The following DNAH17 variants were observed in gnomAD, a reference collection of about 807,000 sequenced individuals.
The protein encoded by DNAH17 is dynein axonemal heavy chain 17.
DNAH17 carries 376 observed loss-of-function variants against 485.6 expected under a neutral mutation model. The observed-to-expected ratio is 0.77, with a 90% CI of 0.71 to 0.84. The LOEUF is 0.84. Ranked by LOEUF, DNAH17 falls within the 40% of genes least tolerant of loss-of-function variation. The pLI, the probability that DNAH17 is intolerant of heterozygous loss-of-function variation, is 0.00. For missense variants in DNAH17, 6,370 were observed against 5,839.3 expected (o/e 1.09, Z -2.96); for synonymous variants, 3,031 against 2,405.9 (o/e 1.26, Z -7.60).
intron 19 of DNAH17, among the ~76,000 whole-genome samples, chr17:78,536,645 C>T (rs369561945): frequency 2.2e-4 from 33 of 152,052 alleles, no homozygotes; most frequent in African/African-American, 8.0e-4. Context: ...TGAACCACTG[C>T]ACTCCAGCCT....
intron 71 of DNAH17, among the ~76,000 whole-genome samples, chr17:78,442,158 G>A (rs2087101385): frequency 6.6e-6 from 1 of 152,206 alleles, no homozygotes; most frequent in Admixed American, 6.5e-5. Context: ...ATCCCGAAGG[G>A]TGAGAACTGC....
chr17:78,530,273 C>CA, intron 21 of DNAH17, 70 bp downstream of exon 21: 1 of 1,473,106 alleles, frequency 6.8e-7, no homozygotes, highest in Non-Finnish European at 9.0e-7. Flanking sequence ...GCCACCCACT[C>CA]AAGTGGAAGG....
intron 9 of DNAH17, 50 bp from the exon 10 acceptor site, chr17:78,567,216 G>C (rs747189480): frequency 1.9e-6 from 3 of 1,549,696 alleles, no homozygotes; most frequent in African/African-American, 2.7e-5. Context: ...CCCAACTCAC[G>C]GGTCCAGTTA....
chr17:78,478,224 C>CT (rs1438287296), intron 51 of DNAH17, among the ~76,000 whole-genome samples: 140 of 66,624 alleles, frequency 2.1e-3, no homozygotes, highest in African/African-American at 3.7e-3. Context: ...ATCATCACCA[C>CT]ATCACCATCA....
intron 13 of DNAH17, among the ~76,000 whole-genome samples, chr17:78,559,866 G>A (rs1473353163): frequency 6.6e-6 from 1 of 151,962 alleles, no homozygotes; most frequent in African/African-American, 2.4e-5. Context: ...CAGGCTCTCG[G>A]GCGCCACCTG....
At chr17:78,545,726 T>G (rs2091742432) in intron 16 of DNAH17, among the ~76,000 whole-genome samples, 2 of 152,186 alleles carry the variant, frequency 1.3e-5, no homozygotes, top group African/African-American at 4.8e-5. Context: ...CCCATTACAT[T>G]TGCGTTCTGC....
chr17:78,478,857 A>G (rs2089224239), intron 51 of DNAH17, 168 bp downstream of exon 51: 1 of 613,250 alleles, frequency 1.6e-6, no homozygotes, highest in East Asian at 2.8e-5. Flanking sequence ...CATCACTACC[A>G]CTGTCACCAC....
chr17:78,502,478 G>A (rs2146722109), intron 33 of DNAH17, 113 bp downstream of exon 33: 1 of 1,060,004 alleles, frequency 9.4e-7, no homozygotes, highest in Admixed American at 3.0e-5. Flanking sequence ...CAGCCTCCGA[G>A]AAGAAGCCGC....
In DNAH17 at chr17:78,486,138, TGA is replaced by T. The variant is rs747329133; in HGVS notation, c.7102-7_7102-6del. The T allele has an allele frequency of 6.2e-7, 1 of 1,612,040 alleles. No individual in the cohort carries two copies. Among genetic ancestry groups the T allele is most frequent in the Non-Finnish European group, 8.5e-7 (1 of 1,178,720 alleles). On this transcript the variant is annotated splice_region_variant and splice_polypyrimidine_tract_variant and intron_variant, in intron 45 of 80. Coordinates refer to ENST00000389840, the MANE Select transcript of DNAH17 (RefSeq NM_173628.4). ...CTCCACTCGATAATCCACAAGCTGT[TGA>T]GACACAGAAGTAAAAATCAGGGCCC... is the stretch of plus-strand genomic sequence containing the variant.
At chr17:78,558,061 AAAC>A (rs1568251715) in intron 14 of DNAH17, 44 bp downstream of exon 14, 1 of 1,559,178 alleles carries the variant, frequency 6.4e-7, no homozygotes, top group South Asian at 1.2e-5. Context: ...CAAAAAACCA[AAAC>A]AATACAAAGC....
At chr17:78,427,832 G>C (rs1172667488) in intron 77 of DNAH17, among the ~76,000 whole-genome samples, 2 of 152,156 alleles carry the variant, frequency 1.3e-5, no homozygotes, top group Non-Finnish European at 2.9e-5. Flanking sequence ...AGCCAGGTGT[G>C]GTGGCAGGCG....
At chr17:78,476,829 G>A in intron 51 of DNAH17, 96 bp from the exon 52 acceptor site, 2 of 1,424,924 alleles carry the variant, frequency 1.4e-6, no homozygotes, top group Admixed American at 2.5e-5. Context: ...CCCTCCCCCG[G>A]GGCGAGGGGA....
intron 17 of DNAH17, among the ~76,000 whole-genome samples, chr17:78,542,587 T>C (rs1015131479): frequency 1.3e-5 from 2 of 152,108 alleles, no homozygotes; most frequent in African/African-American, 4.8e-5. Context: ...ACCCCTACAA[T>C]ACAATGTCAG....
intron 34 of DNAH17, 95 bp downstream of exon 34, chr17:78,501,647 G>T: frequency 1.3e-6 from 2 of 1,499,306 alleles, no homozygotes; most frequent in Admixed American, 3.9e-5. Flanking sequence ...GCCCCAGGAA[G>T]AGGAAGTGGC....
intron 25 of DNAH17, among the ~76,000 whole-genome samples, chr17:78,517,519 T>C (rs1354279288): frequency 2.0e-5 from 3 of 152,184 alleles, no homozygotes; most frequent in African/African-American, 7.2e-5. Flanking sequence ...CTTCACACAC[T>C]GAGACTTGGC....
At chr17:78,543,703 G>C in intron 17 of DNAH17, 154 bp downstream of exon 17, 3 of 1,141,394 alleles carry the variant, frequency 2.6e-6, no homozygotes, top group Non-Finnish European at 3.9e-6. Context: ...GGGATTACAG[G>C]TGAGAGCCAC....
chr17:78,566,819 T>G, intron 10 of DNAH17, 89 bp from the exon 11 acceptor site: 2 of 1,323,208 alleles, frequency 1.5e-6, no homozygotes, highest in Non-Finnish European at 2.1e-6. Context: ...CTGAGAGGAC[T>G]CGGGACTGAG....
Position 78,574,748 on chromosome 17 carries a change from TG to T in DNAH17, c.309del (p.Thr104HisfsTer6). 6.2e-7 allele frequency: 1 copy of T among 1,613,148 alleles called. No individual in the cohort carries two copies. The highest frequency in any genetic ancestry group is 8.5e-7 in the Non-Finnish European group (1 of 1,179,378). On this transcript the variant is annotated frameshift_variant, in exon 2 of 81. Transcript: ENST00000389840. LOFTEE classifies it high-confidence loss of function. ...ACCGCGATCAGCTGGTCCACGGGTG[TG>T]GGGCTGATGTCGCCGTAAAGGAGCC... ...RARLLYGDISPTPVDQLIAVV... is the reference protein window; with the variant it reads ...RARLLYGDISXTPVDQLIAVV...
In DNAH17 at chr17:78,548,207, T is replaced by TTTTTTTTTTC. The variant is rs760638076; in HGVS notation, c.2391+3327_2391+3328insGAAAAAAAAA. On this transcript the variant is annotated intron_variant, in intron 16 of 80. Coordinates refer to ENST00000389840, the MANE Select transcript of DNAH17 (RefSeq NM_173628.4). ...TATTTCGTAGATGTCATGGCCTTTT[T>TTTTTTTTTTC]TTTTTTTTTTTTTTGGAGACAGAGT... 1.2e-3 allele frequency among the ~76,000 whole-genome samples: 151 copies of TTTTTTTTTTC among 128,356 alleles called. 6 individuals carry two copies. Among genetic ancestry groups the TTTTTTTTTTC allele is most frequent in the Admixed American group, 9.7e-3 (115 of 11,894 alleles). The allele number at this position is 128,356 out of a possible 152,430, so 84.2% of individuals were successfully genotyped here.
Sources: gnomAD v4.1 joint callset for allele counts (sites outside exome capture counted in the v4.1 genomes callset) on GRCh38, gnomAD v4.1.1 for gene constraint, MANE v1.5 for transcripts, NCBI Gene and HGNC (gene_info 2026-07-23, HGNC 2026-07-21) for gene names.